The following ALK variants were observed in gnomAD, a reference collection of about 807,000 sequenced individuals.
ALK encodes ALK tyrosine kinase receptor.
A neutral mutation model predicts 163.1 loss-of-function variants in ALK; 74 were observed. The observed-to-expected ratio is 0.45, with a 90% CI of 0.38 to 0.55. The LOEUF (loss-of-function observed/expected upper bound fraction) is 0.55. ALK is among the 20% of genes least tolerant of loss of function. ALK has a pLI of 0.00. For missense variants in ALK, 2,063 were observed against 2,105.3 expected (o/e 0.98, Z 0.39); for synonymous variants, 960 against 843.2 (o/e 1.14, Z -2.40).
Position 29,365,301 on chromosome 2 carries a change from C to A in ALK, c.1282+18431G>T, listed in dbSNP as rs529822400. Among the ~76,000 whole-genome samples, 6 of 152,316 alleles carry A rather than the reference C, an allele frequency of 3.9e-5. No individual in the cohort carries two copies. In the East Asian group the frequency reaches 9.6e-4, roughly 24 times the overall value. Reference sequence around the variant, plus strand: ...AAATGTGCAGTTTAAACATAGGAAGCACTCACAGATGCCTCAGGGAGATGA... The same window carrying A: ...AAATGTGCAGTTTAAACATAGGAAGAACTCACAGATGCCTCAGGGAGATGA... On this transcript the variant is annotated intron_variant, in intron 5 of 28. Coordinates refer to ENST00000389048, the MANE Select transcript of ALK (RefSeq NM_004304.5).
chr2:29,641,751 T>C (rs1158715207), intron 3 of ALK, among the ~76,000 whole-genome samples: 3 of 152,200 alleles, frequency 2.0e-5, no homozygotes. Flanking sequence ...GATGATCTAG[T>C]TATTTCTGTG....
At chr2:29,657,321 G>A (rs1677213440) in intron 3 of ALK, among the ~76,000 whole-genome samples, 1 of 152,136 alleles carries the variant, frequency 6.6e-6, no homozygotes, top group Non-Finnish European at 1.5e-5. Flanking sequence ...TACCATTTGT[G>A]TCTTTCAGTA....
At chr2:29,385,133 T>A (rs964173490) in intron 4 of ALK, among the ~76,000 whole-genome samples, 2 of 149,550 alleles carry the variant, frequency 1.3e-5, no homozygotes, top group South Asian at 4.3e-4. Context: ...TTTTTTTTTT[T>A]ACCAGTAGGT....
chr2:29,749,110 G>A (rs1680283813), intron 1 of ALK, among the ~76,000 whole-genome samples: 1 of 152,116 alleles, frequency 6.6e-6, no homozygotes, highest in Admixed American at 6.5e-5. Flanking sequence ...TGACCACTTA[G>A]GACAGTGACT....
chr2:29,360,556 T>C (rs1426183050), intron 5 of ALK, among the ~76,000 whole-genome samples: 3 of 152,168 alleles, frequency 2.0e-5, no homozygotes, highest in South Asian at 2.1e-4. Flanking sequence ...ATTTGATTTA[T>C]TGGGCATCTT....
At chr2:29,234,733 C>T (rs866104080) in intron 13 of ALK, among the ~76,000 whole-genome samples, 1 of 152,194 alleles carries the variant, frequency 6.6e-6, no homozygotes, top group African/African-American at 2.4e-5. Context: ...GAGCGCCTCA[C>T]ACATGGTGGG....
chr2:29,860,819 G>A (rs1182817890), intron 1 of ALK, among the ~76,000 whole-genome samples: 1 of 152,098 alleles, frequency 6.6e-6, no homozygotes, highest in Non-Finnish European at 1.5e-5. Flanking sequence ...AATATCTTGA[G>A]ACAAAATTTA....
At chr2:29,434,627 G>C (rs747581202) in intron 4 of ALK, among the ~76,000 whole-genome samples, 6 of 152,108 alleles carry the variant, frequency 3.9e-5, no homozygotes, top group Non-Finnish European at 8.8e-5. Context: ...ACAATGGTTT[G>C]GTCTTTAGAG....
intron 3 of ALK, among the ~76,000 whole-genome samples, chr2:29,642,312 A>G (rs1468940736): frequency 6.6e-6 from 1 of 152,190 alleles, no homozygotes; most frequent in Non-Finnish European, 1.5e-5. Flanking sequence ...ACTTTCTAGC[A>G]GAAGCAAAGC....
chr2:29,708,040 T>C (rs1294272442), intron 2 of ALK, among the ~76,000 whole-genome samples: 2 of 152,180 alleles, frequency 1.3e-5, no homozygotes, highest in Admixed American at 6.5e-5. Flanking sequence ...AGACCTTTTG[T>C]TGGGATGTTA....
chr2:29,727,684 T>C (rs1449343306), intron 1 of ALK, among the ~76,000 whole-genome samples: 1 of 152,218 alleles, frequency 6.6e-6, no homozygotes, highest in Admixed American at 6.5e-5. Flanking sequence ...ATATTTTAAA[T>C]CACTCTTCAC....
At chr2:29,499,314 A>G (rs2148130812) in intron 4 of ALK, among the ~76,000 whole-genome samples, 1 of 152,148 alleles carries the variant, frequency 6.6e-6, no homozygotes, top group Admixed American at 6.5e-5. Context: ...CTCCTGCCTC[A>G]GCCTCCCAAG....
At chr2:29,676,290 T>C (rs1293417332) in intron 3 of ALK, among the ~76,000 whole-genome samples, 3 of 152,068 alleles carry the variant, frequency 2.0e-5, no homozygotes, top group Non-Finnish European at 4.4e-5. Flanking sequence ...GTCACAAAGA[T>C]GTTCTGTCAT....
chr2:29,573,663 C>G (rs963658614), intron 3 of ALK, among the ~76,000 whole-genome samples: 6 of 152,176 alleles, frequency 3.9e-5, no homozygotes, highest in African/African-American at 1.4e-4. Context: ...AGTTTAACAG[C>G]TGCAACAGAG....
At chr2:29,550,498 C>G (rs1350707248) in intron 3 of ALK, among the ~76,000 whole-genome samples, 1 of 152,094 alleles carries the variant, frequency 6.6e-6, no homozygotes, top group African/African-American at 2.4e-5. Context: ...GTTGCTGATT[C>G]CAACACTATA....
At chr2:29,800,981 C>T (rs1204758737) in intron 1 of ALK, among the ~76,000 whole-genome samples, 1 of 152,144 alleles carries the variant, frequency 6.6e-6, no homozygotes, top group Admixed American at 6.5e-5. Context: ...TCACCCAAAT[C>T]GGGGTAGGTG....
intron 26 of ALK, among the ~76,000 whole-genome samples, chr2:29,201,122 C>T: frequency 6.6e-6 from 1 of 151,586 alleles, no homozygotes; most frequent in Non-Finnish European, 1.5e-5. Flanking sequence ...AAGATGGTCT[C>T]CAGGTGTGAT....
intron 1 of ALK, among the ~76,000 whole-genome samples, chr2:29,781,585 T>C (rs1346328834): frequency 1.3e-5 from 2 of 152,218 alleles, no homozygotes; most frequent in African/African-American, 4.8e-5. Flanking sequence ...AGAATCTGTC[T>C]CACCCACATA....
At chr2:29,421,548 C>T (rs1428719613) in intron 4 of ALK, among the ~76,000 whole-genome samples, 10 of 151,490 alleles carry the variant, frequency 6.6e-5, no homozygotes, top group Non-Finnish European at 1.5e-4. Context: ...TTTAAAAGCA[C>T]AGGCACGGAC....
Sources: allele counts gnomAD v4.1 joint callset (sites outside exome capture counted in the v4.1 genomes callset), GRCh38; gene constraint gnomAD v4.1.1; transcripts MANE v1.5; gene names NCBI Gene and HGNC (gene_info 2026-07-23, HGNC 2026-07-21).